The following FRAS1 variants were observed in gnomAD, a reference collection of about 807,000 sequenced individuals.
The protein encoded by FRAS1 is extracellular matrix organizing protein FRAS1.
Under a neutral mutation model 435.2 loss-of-function variants are expected in FRAS1, and 290 were observed. That is an observed-to-expected ratio of 0.67 (90% CI 0.61 to 0.73). FRAS1 has a LOEUF of 0.73. Ranked by LOEUF, FRAS1 falls within the 30% of genes least tolerant of loss-of-function variation. FRAS1 has a pLI of 0.00. For missense variants in FRAS1, 4,860 were observed against 5,001.5 expected (o/e 0.97, Z 0.85); for synonymous variants, 1,800 against 1,851.0 (o/e 0.97, Z 0.71).
chr4:78,301,278 T>C (rs746491654), intron 14 of FRAS1, among the ~76,000 whole-genome samples: 2 of 151,952 alleles, frequency 1.3e-5, no homozygotes, highest in African/African-American at 2.4e-5. Flanking sequence ...AAAGCATAGG[T>C]AGGGGTTAGC....
chr4:78,376,489 G>A (rs933412963), intron 26 of FRAS1, among the ~76,000 whole-genome samples: 3 of 152,098 alleles, frequency 2.0e-5, no homozygotes, highest in South Asian at 4.2e-4. Context: ...TGACTGAAAT[G>A]TTATATAGCA....
Position 78,363,527 on chromosome 4 carries a change from T to C in FRAS1, c.2437T>C (p.Cys813Arg). The C allele has an allele frequency of 6.2e-7, 1 of 1,613,000 alleles. No homozygotes were observed. The highest frequency in any genetic ancestry group is 1.3e-5 in the African/African-American group (1 of 75,060). Residue 813 changes from cysteine to arginine, a missense_variant, in exon 21 of 74, where the codon TGC becomes CGC. Coordinates refer to ENST00000512123, the MANE Select transcript of FRAS1 (RefSeq NM_025074.7). ...VGYCADCHHL[C>R]QHCAADLHNT... ...TCCCCCTCCAGACTGCCATCACCTG[T>C]GCCAGCACTGTGCAGCTGATCTCCA...
At position 78,096,415 on chromosome 4, in the gene FRAS1, A is replaced by G. The variant is rs762779129; in HGVS notation, c.108+30399A>G. On this transcript the variant is annotated intron_variant, in intron 2 of 73. Transcript: ENST00000512123. ...TCTTCTCACAGCTCCACTAGAAGGT[A>G]CCCCAGTAGGGACTCTGTGTGGGAG... is the stretch of plus-strand genomic sequence containing the variant. Among the ~76,000 whole-genome samples, 7 of 152,146 alleles carry G rather than the reference A, an allele frequency of 4.6e-5. No homozygotes were observed. The East Asian group carries it at 5.8e-4, about 13-fold the overall frequency.
chr4:78,356,124 T>A (rs1233202041), intron 20 of FRAS1, among the ~76,000 whole-genome samples: 1 of 152,218 alleles, frequency 6.6e-6, no homozygotes, highest in Non-Finnish European at 1.5e-5. Flanking sequence ...TTAGATTGTA[T>A]AATTAATACA....
At chr4:78,237,981 C>T (rs1300985200) in intron 3 of FRAS1, among the ~76,000 whole-genome samples, 1 of 152,164 alleles carries the variant, frequency 6.6e-6, no homozygotes, top group Non-Finnish European at 1.5e-5. Context: ...CATGATCATG[C>T]AATTAATAAA....
chr4:78,518,009 T>C (rs925918047), intron 66 of FRAS1, among the ~76,000 whole-genome samples: 1 of 152,020 alleles, frequency 6.6e-6, no homozygotes, highest in Non-Finnish European at 1.5e-5. Flanking sequence ...CTCAGTACTT[T>C]GGGAGGCTGA....
chr4:78,313,988 A>G (rs979446147), intron 15 of FRAS1, among the ~76,000 whole-genome samples: 5 of 152,056 alleles, frequency 3.3e-5, no homozygotes, highest in Admixed American at 6.5e-5. Flanking sequence ...ACCTGTCATG[A>G]CTTTCTTTTG....
chr4:78,255,399 C>T (rs1262304694), intron 6 of FRAS1, 24 bp downstream of exon 6: 2 of 1,572,272 alleles, frequency 1.3e-6, no homozygotes, highest in Non-Finnish European at 1.7e-6. Flanking sequence ...CCTCAGCATG[C>T]AGCCTTCACG....
At chr4:78,093,337 G>A (rs924346511) in intron 2 of FRAS1, among the ~76,000 whole-genome samples, 5 of 152,190 alleles carry the variant, frequency 3.3e-5, no homozygotes. Context: ...AGTTAACCAG[G>A]GCTTCTAGAG....
At chr4:78,194,827 C>G (rs1342134424) in intron 2 of FRAS1, among the ~76,000 whole-genome samples, 1 of 152,176 alleles carries the variant, frequency 6.6e-6, no homozygotes, top group Non-Finnish European at 1.5e-5. Context: ...AGCTGCGTTC[C>G]TTTGGAGGAG....
chr4:78,287,452 G>T (rs1260245354), intron 14 of FRAS1, among the ~76,000 whole-genome samples: 1 of 152,170 alleles, frequency 6.6e-6, no homozygotes, highest in East Asian at 1.9e-4. Context: ...GGCAGGGTGT[G>T]TAGTGGCAGG....
chr4:78,372,568 G>A, intron 23 of FRAS1, 150 bp from the exon 24 acceptor site: 1 of 889,838 alleles, frequency 1.1e-6, no homozygotes, highest in Non-Finnish European at 1.8e-6. Flanking sequence ...GCTACTACAA[G>A]TGGAAACCTC....
intron 67 of FRAS1, among the ~76,000 whole-genome samples, chr4:78,519,952 G>A (rs17430390): frequency 0.18 from 27,480 of 152,100 alleles, 2,555 homozygotes; most frequent in Middle Eastern, 0.23. Context: ...CTCTTTAATT[G>A]CATCCTCCAA....
intron 24 of FRAS1, 146 bp downstream of exon 24, chr4:78,373,004 T>C: frequency 1.1e-6 from 1 of 925,338 alleles, no homozygotes; most frequent in Non-Finnish European, 1.6e-6. Context: ...ATCTTTGTTA[T>C]CATGAAAATT....
rs144710715 is a variant in FRAS1, at chr4:78,442,599, A to G, written c.5665+1302A>G. On this transcript the variant is annotated intron_variant, in intron 41 of 73. Transcript: ENST00000512123. ...GCGTGGTTTCTTATTAAGCCTTCCT[A>G]ACATGGTTTTATGTCAACCTGGAAT... Among the ~76,000 whole-genome samples the G allele has an allele frequency of 4.8e-3, 732 of 152,340 alleles. 5 individuals carry two copies. Among genetic ancestry groups the G allele is most frequent in the African/African-American group, 0.017 (690 of 41,568 alleles).
chr4:78,430,220 G>A (rs929366118), intron 36 of FRAS1, 72 bp from the exon 37 acceptor site: 13 of 1,590,618 alleles, frequency 8.2e-6, no homozygotes, highest in East Asian at 2.2e-5. Flanking sequence ...CCTGGCCTGC[G>A]GTTTTAATAT....
At chr4:78,482,259 A>C in intron 57 of FRAS1, 129 bp from the exon 58 acceptor site, 1 of 1,027,114 alleles carries the variant, frequency 9.7e-7, no homozygotes, top group Admixed American at 2.1e-5. Context: ...AGAGATCATC[A>C]TGTTATGGAT....
At chr4:78,136,929 G>C (rs888528418) in intron 2 of FRAS1, among the ~76,000 whole-genome samples, 4 of 152,218 alleles carry the variant, frequency 2.6e-5, no homozygotes, top group African/African-American at 9.6e-5. Flanking sequence ...GCTCGGTTTT[G>C]GGATACAGGG....
At chr4:78,077,722 C>G (rs1020434843) in intron 2 of FRAS1, among the ~76,000 whole-genome samples, 12 of 152,110 alleles carry the variant, frequency 7.9e-5, no homozygotes, top group African/African-American at 2.9e-4. Context: ...AATTGTTTCA[C>G]TTATAAACAG....
Sources: gnomAD v4.1 joint callset for allele counts (sites outside exome capture counted in the v4.1 genomes callset) on GRCh38, gnomAD v4.1.1 for gene constraint, MANE v1.5 for transcripts, NCBI Gene and HGNC (gene_info 2026-07-23, HGNC 2026-07-21) for gene names.